TLE1: variants seen among roughly 807,000 people sequenced by gnomAD.
The protein encoded by TLE1 is transducin-like enhancer protein 1.
In TLE1, 21 loss-of-function variants were observed where a neutral mutation model predicts 89.8. That is an observed-to-expected ratio of 0.23 (90% CI 0.17 to 0.34). The LOEUF is 0.34. Ranked by LOEUF, TLE1 falls within the 10% of genes least tolerant of loss-of-function variation. TLE1 has a pLI of 1.00. For missense variants in TLE1, 795 were observed against 1,031.2 expected (o/e 0.77, Z 3.14); for synonymous variants, 447 against 407.6 (o/e 1.10, Z -1.16).
chr9:81,636,018 G>A (rs1281426072), intron 6 of TLE1, among the ~76,000 whole-genome samples: 2 of 152,080 alleles, frequency 1.3e-5, no homozygotes, highest in Admixed American at 6.6e-5. Flanking sequence ...AAATAAAAAT[G>A]TCTAAGAGCC....
intron 6 of TLE1, among the ~76,000 whole-genome samples, chr9:81,642,802 C>T (rs972728936): frequency 3.9e-5 from 6 of 152,142 alleles, no homozygotes; most frequent in African/African-American, 7.2e-5. Context: ...GTGCTATTCA[C>T]GAGAGCCAAG....
intron 17 of TLE1, 143 bp from the exon 18 acceptor site, chr9:81,585,798 T>C (rs955651688): frequency 2.0e-6 from 2 of 1,001,264 alleles, no homozygotes; most frequent in Middle Eastern, 2.3e-4. Context: ...ACAGGGCAAG[T>C]GATCTAACGC....
At chr9:81,632,704 T>C (rs1003570551) in intron 8 of TLE1, among the ~76,000 whole-genome samples, 2 of 152,150 alleles carry the variant, frequency 1.3e-5, no homozygotes, top group African/African-American at 2.4e-5. Flanking sequence ...CTTAGGCTGG[T>C]GAAAACATGA....
At chr9:81,618,441 C>T (rs1434505359) in intron 9 of TLE1, among the ~76,000 whole-genome samples, 2 of 152,132 alleles carry the variant, frequency 1.3e-5, no homozygotes, top group East Asian at 3.8e-4. Context: ...GTGAGAGACC[C>T]AATTTATTTT....
intron 1 of TLE1, among the ~76,000 whole-genome samples, chr9:81,687,888 G>A (rs976269198): frequency 2.6e-5 from 4 of 152,100 alleles, no homozygotes; most frequent in Non-Finnish European, 5.9e-5. Flanking sequence ...ATGTAAATAG[G>A]CGAGAGGAGA....
At chr9:81,585,097 G>A (rs1257749079) in intron 18 of TLE1, among the ~76,000 whole-genome samples, 2 of 152,108 alleles carry the variant, frequency 1.3e-5, no homozygotes, top group Non-Finnish European at 2.9e-5. Context: ...GTAGAGTAGA[G>A]TGTAACTAAG....
chr9:81,606,788 C>CAT (rs1302695714), intron 14 of TLE1, among the ~76,000 whole-genome samples: 31 of 123,734 alleles, frequency 2.5e-4, no homozygotes, highest in South Asian at 5.2e-4. Flanking sequence ...AAAAAAAAAC[C>CAT]ATATATATAT....
chr9:81,594,423 A>G (rs1236352202), intron 14 of TLE1, among the ~76,000 whole-genome samples: 6 of 152,146 alleles, frequency 3.9e-5, no homozygotes, highest in Admixed American at 3.3e-4. Flanking sequence ...CCAGCAAACT[A>G]ACACAGGAAC....
chr9:81,672,400 C>T (rs1046096650), intron 4 of TLE1, among the ~76,000 whole-genome samples: 4 of 150,836 alleles, frequency 2.7e-5, no homozygotes, highest in African/African-American at 9.8e-5. Flanking sequence ...ATGGTGCGAT[C>T]TTGGCTCACT....
chr9:81,671,969 A>C (rs1052789787), intron 4 of TLE1, among the ~76,000 whole-genome samples: 1 of 152,152 alleles, frequency 6.6e-6, no homozygotes, highest in African/African-American at 2.4e-5. Flanking sequence ...GAGCCAGCCC[A>C]CTTACAAATG....
intron 9 of TLE1, among the ~76,000 whole-genome samples, chr9:81,619,575 T>C (rs1824975355): frequency 6.6e-6 from 1 of 152,184 alleles, no homozygotes; most frequent in Non-Finnish European, 1.5e-5. Flanking sequence ...CCACATAGCC[T>C]GCACAGTAGA....
intron 14 of TLE1, among the ~76,000 whole-genome samples, chr9:81,599,112 T>C (rs977993666): frequency 6.6e-6 from 1 of 152,302 alleles, no homozygotes; most frequent in Middle Eastern, 3.4e-3. Context: ...TGAAGCCACA[T>C]GGGAAAGTAC....
chr9:81,593,403 G>T, intron 14 of TLE1, 129 bp from the exon 15 acceptor site: 1 of 1,271,186 alleles, frequency 7.9e-7, no homozygotes. Flanking sequence ...AGTTTCCTTT[G>T]AAATCAATAC....
In TLE1 at chr9:81,587,811, G is replaced by A; in HGVS notation, c.1847C>T (p.Thr616Ile). ...QTLVRQFQGHTDGASCIDISN... is the reference protein window; with the variant it reads ...QTLVRQFQGHIDGASCIDISN... ...AATGTCAATACAGCTGGCTCCGTCT[G>A]TGTGGCCCTGGAATTGCCTGATAAA... Residue 616 changes from threonine (T) to isoleucine (I), a missense_variant, in exon 17 of 20, where the codon ACA (threonine) becomes ATA (isoleucine). Thr to Ile is a moderately conservative substitution (Grantham distance 89). Transcript: ENST00000376499. The A allele has an allele frequency of 6.2e-7, 1 of 1,614,038 alleles. No homozygotes were observed.
intron 6 of TLE1, among the ~76,000 whole-genome samples, chr9:81,639,534 G>C (rs1268467986): frequency 6.7e-6 from 1 of 149,434 alleles, no homozygotes; most frequent in Non-Finnish European, 1.5e-5. Context: ...ATACAACATA[G>C]AACACACATG....
intron 8 of TLE1, among the ~76,000 whole-genome samples, chr9:81,623,533 C>T (rs1825539416): frequency 6.6e-6 from 1 of 150,542 alleles, no homozygotes; most frequent in African/African-American, 2.5e-5. Context: ...AATCCCAGCA[C>T]TTAGGGAGGC....
intron 8 of TLE1, among the ~76,000 whole-genome samples, chr9:81,632,831 T>C (rs1310436227): frequency 6.6e-6 from 1 of 152,140 alleles, no homozygotes; most frequent in Non-Finnish European, 1.5e-5. Flanking sequence ...AGGACAATTA[T>C]GCAAAGAAAA....
chr9:81,632,305 T>C (rs1342477), intron 8 of TLE1, among the ~76,000 whole-genome samples: 85,734 of 151,694 alleles, frequency 0.57, 25,164 homozygotes, highest in East Asian at 0.98. Flanking sequence ...CAACCATTCC[T>C]CACTCCTCCA....
At chr9:81,650,136 T>C (rs1829363828) in intron 6 of TLE1, among the ~76,000 whole-genome samples, 2 of 152,212 alleles carry the variant, frequency 1.3e-5, no homozygotes, top group African/African-American at 4.8e-5. Flanking sequence ...CCACAACATT[T>C]TTCCTGGACT....
Sources: gnomAD v4.1 joint callset for allele counts (sites outside exome capture counted in the v4.1 genomes callset) on GRCh38, gnomAD v4.1.1 for gene constraint, MANE v1.5 for transcripts, NCBI Gene and HGNC (gene_info 2026-07-23, HGNC 2026-07-21) for gene names.